THADA: variants seen among roughly 807,000 people sequenced by gnomAD.
The protein encoded by THADA is tRNA (32-2'-O)-methyltransferase regulator THADA.
A neutral mutation model predicts 219.8 loss-of-function variants in THADA; 213 were observed. The observed-to-expected ratio is 0.97, with a 90% confidence interval of 0.87 to 1.09. The LOEUF is 1.09. Ranked by LOEUF, THADA falls within the 50% of genes least tolerant of loss-of-function variation. THADA has a pLI of 0.00. For missense variants in THADA, 2,956 were observed against 2,311.3 expected (o/e 1.28, Z -5.72); for synonymous variants, 1,018 against 828.9 (o/e 1.23, Z -3.92).
intron 29 of THADA, among the ~76,000 whole-genome samples, chr2:43,356,059 C>T (rs1356514646): frequency 6.6e-6 from 1 of 152,044 alleles, no homozygotes; most frequent in African/African-American, 2.4e-5. Flanking sequence ...AAATTTAAGA[C>T]AGAAAACGGT....
intron 36 of THADA, among the ~76,000 whole-genome samples, chr2:43,255,184 C>T (rs1210909032): frequency 6.6e-6 from 1 of 152,124 alleles, no homozygotes; most frequent in East Asian, 1.9e-4. Flanking sequence ...AGGGACGTAC[C>T]ACATTCTTCT....
intron 25 of THADA, among the ~76,000 whole-genome samples, chr2:43,494,795 T>C (rs541007962): frequency 6.6e-6 from 1 of 152,360 alleles, no homozygotes; most frequent in Admixed American, 6.5e-5. Context: ...ATTTACATAC[T>C]ACATTTCCCT....
intron 34 of THADA, among the ~76,000 whole-genome samples, chr2:43,289,035 G>A (rs1674382202): frequency 6.6e-6 from 1 of 152,130 alleles, no homozygotes; most frequent in Non-Finnish European, 1.5e-5. Context: ...TTTCCTTTAA[G>A]TGGAAATTTC....
At position 43,581,736 on chromosome 2, in the gene THADA, C is replaced by T. The variant is rs985041759; in HGVS notation, c.721+5G>A. 1.2e-5 allele frequency: 19 copies of T among 1,606,276 alleles called. No individual in the cohort carries two copies. The highest frequency in any genetic ancestry group is 1.4e-5 in the Non-Finnish European group (17 of 1,177,816). On this transcript the variant is annotated splice_donor_5th_base_variant and intron_variant, in intron 8 of 37. Transcript: ENST00000405975. ...TATCATTTGTATATAATTTGTTACA[C>T]TTACCATCGCTTAAAACCTTGGTAA...
chr2:43,575,487 G>C (rs1034111293), intron 10 of THADA, among the ~76,000 whole-genome samples: 6 of 152,092 alleles, frequency 3.9e-5, no homozygotes, highest in Admixed American at 1.3e-4. Context: ...AGGGAAATTT[G>C]GGGGATGATG....
intron 28 of THADA, among the ~76,000 whole-genome samples, chr2:43,425,049 G>T (rs111909902): frequency 6.6e-6 from 1 of 152,084 alleles, no homozygotes; most frequent in Non-Finnish European, 1.5e-5. Context: ...GGTCCATTCC[G>T]TGTAGCTAAG....
At chr2:43,532,204 G>A (rs955457083) in intron 21 of THADA, among the ~76,000 whole-genome samples, 1 of 151,812 alleles carries the variant, frequency 6.6e-6, no homozygotes, top group Non-Finnish European at 1.5e-5. Context: ...CTGAGCTCAG[G>A]AGTTCGAGTC....
chr2:43,366,980 T>A (rs968475944), intron 29 of THADA, among the ~76,000 whole-genome samples: 12 of 152,208 alleles, frequency 7.9e-5, no homozygotes, highest in Admixed American at 4.6e-4. Flanking sequence ...AAATATGGTA[T>A]ATCATGCAAA....
chr2:43,590,920 C>T lies in THADA; in HGVS notation c.206G>A (p.Gly69Asp), dbSNP rs1290743677. 6.2e-7 allele frequency: 1 copy of T among 1,613,524 alleles called. No homozygotes were observed. Among genetic ancestry groups the T allele is most frequent in the Non-Finnish European group, 8.5e-7 (1 of 1,179,658 alleles). The stretch of plus-strand genomic sequence containing the variant: ...ACTTTGAATAGTGGGATCACACATG[C>T]CATTTTTATCTGCTTTCTCCAGCAG... ...VPLLEKADKNGMCDPTIQSCL... is the reference protein window; with the variant it reads ...VPLLEKADKNDMCDPTIQSCL... The change falls in exon 4 of 38, where the codon GGC becomes GAC. Residue 69 changes from glycine (G) to aspartate (D), a missense_variant. Gly to Asp is a moderately conservative substitution (Grantham distance 94). Coordinates refer to ENST00000405975, the MANE Select transcript of THADA (RefSeq NM_022065.5).
rs151305860 is a variant in THADA, at chr2:43,329,284, A to G, written c.4344-8744T>C. Reference sequence around the variant, plus strand: ...ATATATAGCTTCAAATCTTATATAGAATGTTAACACAAGTCCCCTTTCTTT... The same window carrying G: ...ATATATAGCTTCAAATCTTATATAGGATGTTAACACAAGTCCCCTTTCTTT... On this transcript the variant is annotated intron_variant, in intron 30 of 37. Coordinates refer to ENST00000405975, the MANE Select transcript of THADA (RefSeq NM_022065.5). 3.3e-3 allele frequency among the ~76,000 whole-genome samples: 496 copies of G among 152,324 alleles called. 4 individuals are homozygous for G. Among genetic ancestry groups the G allele is most frequent in the African/African-American group, 0.012 (482 of 41,566 alleles).
At chr2:43,263,267 T>C (rs1048595588) in intron 36 of THADA, among the ~76,000 whole-genome samples, 1 of 152,088 alleles carries the variant, frequency 6.6e-6, no homozygotes, top group African/African-American at 2.4e-5. Context: ...CAGTTCCAAG[T>C]GATATGCCCA....
intron 30 of THADA, among the ~76,000 whole-genome samples, chr2:43,323,973 G>C (rs138868078): frequency 6.6e-6 from 1 of 152,192 alleles, no homozygotes; most frequent in Non-Finnish European, 1.5e-5. Context: ...GGCTGGTCAG[G>C]CTTTTAAGTG....
rs1225348580 is a variant in THADA, at chr2:43,287,093, C to G, written c.5011-32G>C. On this transcript the variant is annotated intron_variant, in intron 34 of 37. Transcript: ENST00000405975. ...GCACAAAATGTACCTATCAGTAGTTCAGAAGATGCAACAAGGGCTGACACA... is the reference window on the plus strand; with the variant it reads ...GCACAAAATGTACCTATCAGTAGTTGAGAAGATGCAACAAGGGCTGACACA... 5 of 1,583,364 alleles carry G rather than the reference C, an allele frequency of 3.2e-6. No individual in the cohort carries two copies. In the South Asian group the frequency reaches 4.5e-5, roughly 14 times the overall value.
chr2:43,481,628 T>C (rs1686238755), intron 26 of THADA, among the ~76,000 whole-genome samples: 1 of 152,230 alleles, frequency 6.6e-6, no homozygotes, highest in African/African-American at 2.4e-5. Context: ...GTGTCTCCTA[T>C]TTGTATCTGA....
chr2:43,380,605 T>A (rs1266984411), intron 29 of THADA, among the ~76,000 whole-genome samples: 1 of 152,172 alleles, frequency 6.6e-6, no homozygotes, highest in African/African-American at 2.4e-5. Context: ...TTAGTATACA[T>A]ATATGTATTT....
chr2:43,386,897 C>CAAAAAA lies in THADA; in HGVS notation c.4227+11068_4227+11073dup, dbSNP rs548365391. On this transcript the variant is annotated intron_variant, in intron 29 of 37. Transcript: ENST00000405975. ...TGGGCTACAGAGTGAGATTTCCTCTCAAAAAAAAAAAAAAAAAGCATAATT... is the reference window on the plus strand; with the variant it reads ...TGGGCTACAGAGTGAGATTTCCTCTCAAAAAAAAAAAAAAAAAAAAAAAGCATAATT... Among the ~76,000 whole-genome samples, 459 of 97,238 alleles carry CAAAAAA rather than the reference C, an allele frequency of 4.7e-3. 3 individuals are homozygous for CAAAAAA. Among genetic ancestry groups the CAAAAAA allele is most frequent in the African/African-American group, 0.013 (390 of 28,936 alleles). 63.8% of individuals were successfully genotyped at this position (97,238 alleles called of 152,430 possible).
In THADA at chr2:43,231,271, G is replaced by C; in HGVS notation, c.5539C>G (p.Leu1847Val). 6.2e-7 allele frequency: 1 copy of C among 1,606,782 alleles called. No individual in the cohort carries two copies. Among genetic ancestry groups the C allele is most frequent in the Non-Finnish European group, 8.5e-7 (1 of 1,177,550 alleles). ...AGGAGACAGAAGAGGTGCTTGCAGA[G>C]GTATTTCACAAAGATCAGGGTCTCG... ...WAETLIFVKYLCKHLFCLLSK... is the reference protein window; with the variant it reads ...WAETLIFVKYVCKHLFCLLSK... The change falls in exon 38 of 38, where the codon CTC (leucine) becomes GTC (valine). Residue 1847 changes from leucine to valine, a missense_variant. Physicochemically the swap from Leu to Val is conservative, Grantham distance 32. Coordinates refer to ENST00000405975, the MANE Select transcript of THADA (RefSeq NM_022065.5).
At chr2:43,502,133 T>A (rs1689069460) in intron 24 of THADA, among the ~76,000 whole-genome samples, 1 of 151,916 alleles carries the variant, frequency 6.6e-6, no homozygotes, top group Admixed American at 6.6e-5. Flanking sequence ...TTATTTTATT[T>A]TACACTAAAC....
chr2:43,377,882 C>T (rs549380325), intron 29 of THADA, among the ~76,000 whole-genome samples: 19 of 152,152 alleles, frequency 1.2e-4, no homozygotes, highest in Non-Finnish European at 1.6e-4. Context: ...TTGGGAAAGG[C>T]ACCAGACACC....
Sources: gnomAD v4.1 joint callset for allele counts (sites outside exome capture counted in the v4.1 genomes callset) on GRCh38, gnomAD v4.1.1 for gene constraint, MANE v1.5 for transcripts, NCBI Gene and HGNC (gene_info 2026-07-23, HGNC 2026-07-21) for gene names.